The following FAAH2 variants were observed in gnomAD, a reference collection of about 807,000 sequenced individuals.
The protein encoded by FAAH2 is fatty-acid amide hydrolase 2.
FAAH2 carries 60 observed loss-of-function variants against 36.9 expected under a neutral mutation model. The observed-to-expected ratio is 1.63, with a 90% confidence interval of 1.32 to 2.02. The LOEUF is 2.02. Among genes scored for constraint, FAAH2 ranks in the 30% most tolerant of loss-of-function variants. The pLI is 0.00. For missense variants in FAAH2, 689 were observed against 397.5 expected, an observed-to-expected ratio of 1.73 and a Z score of -6.23; for synonymous variants, 214 against 143.8, an observed-to-expected ratio of 1.49 and a Z score of -3.49.
At chrX:57,199,794 A>G in the FAAH2 span, among the ~76,000 whole-genome samples, 1 of 111,832 alleles carries the variant, frequency 8.9e-6, no homozygotes, top group East Asian at 2.8e-4. Flanking sequence ...TTAAATTGTC[A>G]TATCTTCTTG....
At chrX:57,237,306 C>T in the FAAH2 span, among the ~76,000 whole-genome samples, 1 of 111,160 alleles carries the variant, frequency 9.0e-6, no homozygotes, top group Non-Finnish European at 1.9e-5. Flanking sequence ...TCCAGCTTTG[C>T]TCCTTTTTTA....
chrX:57,286,872 C>A lies in FAAH2; in HGVS notation c.47C>A (p.Ala16Glu), dbSNP rs141576226. The change falls in exon 1 of 11, where the codon GCG becomes GAG. Residue 16 changes from alanine (A) to glutamate (E), a missense_variant. Physicochemically the swap from Ala to Glu is moderately radical, Grantham distance 107 (BLOSUM62 -1). Coordinates refer to ENST00000374900, the MANE Select transcript of FAAH2 (RefSeq NM_174912.4). ...TARIQLFLLRALGFLIGLVGR... is the reference protein window; with the variant it reads ...TARIQLFLLRELGFLIGLVGR... ...CGCATTCAGTTGTTCCTCTTGCGGG[C>A]GCTAGGCTTTCTCATAGGCTTAGTA... is the stretch of plus-strand genomic sequence containing the variant. 516 of 1,193,928 alleles carry A rather than the reference C, an allele frequency of 4.3e-4. No individual in the cohort carries two copies. Among genetic ancestry groups the A allele is most frequent in the Non-Finnish European group, 5.6e-4 (494 of 887,897 alleles).
Position 57,448,628 on chromosome X carries a change from G to T in FAAH2, c.1333G>T (p.Asp445Tyr), listed in dbSNP as rs200875647. Residue 445 changes from aspartate (D) to tyrosine (Y), a missense_variant, in exon 10 of 11, where the codon GAT becomes TAT. By Grantham distance (160) the Asp-to-Tyr change is radical. Transcript: ENST00000374900. ...TAAAGAGCTGGTGGATATGCTAGGT[G>T]ATGATGGTGTGTTCTTATATCCCTC... ...LRKELVDMLGDDGVFLYPSHP... is the reference protein window; with the variant it reads ...LRKELVDMLGYDGVFLYPSHP... 4 of 1,209,807 alleles carry T rather than the reference G, an allele frequency of 3.3e-6. No individual in the cohort carries two copies. Among genetic ancestry groups the T allele is most frequent in the Admixed American group, 4.4e-5 (2 of 45,756 alleles).
At chrX:57,355,961 AT>A in intron 5 of FAAH2, among the ~76,000 whole-genome samples, 1 of 111,083 alleles carries the variant, frequency 9.0e-6, no homozygotes, top group Middle Eastern at 4.6e-3. Context: ...ATTATTGTCT[AT>A]TCTTTATTTG....
chrX:57,426,411 C>T (rs1454638447), intron 7 of FAAH2, among the ~76,000 whole-genome samples: 1 of 111,536 alleles, frequency 9.0e-6, no homozygotes, highest in Non-Finnish European at 1.9e-5. Flanking sequence ...CCAAGTAGAC[C>T]TAATAGACAT....
At chrX:57,209,876 A>G in the FAAH2 span, among the ~76,000 whole-genome samples, 3 of 110,480 alleles carry the variant, frequency 2.7e-5, no homozygotes, top group Non-Finnish European at 5.7e-5. Flanking sequence ...GGTATTGGCG[A>G]GTCCCCTCTG....
chrX:57,270,855 C>T, the FAAH2 span, among the ~76,000 whole-genome samples: 3 of 112,224 alleles, frequency 2.7e-5, no homozygotes, highest in Non-Finnish European at 5.6e-5. Flanking sequence ...CCTCTGGTGC[C>T]TACCCCACCA....
chrX:57,392,232 T>C (rs748236706), intron 7 of FAAH2, among the ~76,000 whole-genome samples: 4 of 111,468 alleles, frequency 3.6e-5, no homozygotes, highest in African/African-American at 1.3e-4. Flanking sequence ...GTTTTCTAGG[T>C]ATGTCATCAG....
intron 9 of FAAH2, 54 bp downstream of exon 9, chrX:57,447,093 A>C: frequency 1.1e-6 from 1 of 911,198 alleles, no homozygotes; most frequent in African/African-American, 2.0e-5. Context: ...ATATTTCTTA[A>C]TATCTAAATA....
chrX:57,257,340 C>A, the FAAH2 span, among the ~76,000 whole-genome samples: 1 of 111,910 alleles, frequency 8.9e-6, no homozygotes, highest in Non-Finnish European at 1.9e-5. Flanking sequence ...GGCACATGTA[C>A]ACCATGGAAT....
rs772115526 is a variant in FAAH2, at chrX:57,378,622, G to A, written c.743-29G>A. The A allele has an allele frequency of 5.0e-6, 6 of 1,206,281 alleles. No individual in the cohort carries two copies. In the Admixed American group the frequency reaches 8.9e-5, roughly 18 times the overall value. ...ATGCAGGGATCATGTCTTATTTTGG[G>A]CGGCTAACCTGACTGTCTATCCTTT... On this transcript the variant is annotated intron_variant, in intron 5 of 10. Coordinates refer to ENST00000374900, the MANE Select transcript of FAAH2 (RefSeq NM_174912.4).
intron 3 of FAAH2, among the ~76,000 whole-genome samples, chrX:57,324,517 G>C (rs2053147524): frequency 9.0e-6 from 1 of 111,581 alleles, no homozygotes; most frequent in Admixed American, 9.5e-5. Context: ...TTATTTCATT[G>C]AGCAGTGGTT....
At chrX:57,330,279 G>T (rs1462177083) in intron 3 of FAAH2, among the ~76,000 whole-genome samples, 1 of 111,445 alleles carries the variant, frequency 9.0e-6, no homozygotes, top group Non-Finnish European at 1.9e-5. Flanking sequence ...CCCAAGGGTG[G>T]GTCTCTAAAA....
chrX:57,409,124 T>C (rs762463182), intron 7 of FAAH2, among the ~76,000 whole-genome samples: 1 of 111,501 alleles, frequency 9.0e-6, no homozygotes, highest in African/African-American at 3.3e-5. Flanking sequence ...TCCAAACATA[T>C]ATAAACATAT....
At position 57,470,436 on chromosome X, in the gene FAAH2, A is replaced by G. The variant is rs757909822; in HGVS notation, c.1424-18321A>G. Among the ~76,000 whole-genome samples, 18 of 111,953 alleles carry G rather than the reference A, an allele frequency of 1.6e-4. No individual in the cohort carries two copies. The South Asian group carries it at 6.7e-3, about 42-fold the overall frequency. On this transcript the variant is annotated intron_variant, in intron 10 of 10. Transcript: ENST00000374900. Reference sequence around the variant, plus strand: ...CGGATATCAACACCAATCCCACAGAAATACAAACTACCATCAGAGAATACT... The same window carrying G: ...CGGATATCAACACCAATCCCACAGAGATACAAACTACCATCAGAGAATACT...
intron 7 of FAAH2, among the ~76,000 whole-genome samples, chrX:57,431,224 C>T (rs1236456326): frequency 8.1e-5 from 9 of 111,762 alleles, no homozygotes; most frequent in Non-Finnish European, 1.7e-4. Context: ...CATGACCTGA[C>T]AAGACTTGAG....
intron 10 of FAAH2, among the ~76,000 whole-genome samples, chrX:57,453,586 G>A (rs1307057948): frequency 9.1e-6 from 1 of 109,819 alleles, no homozygotes; most frequent in Non-Finnish European, 1.9e-5. Flanking sequence ...GGCAGGAACA[G>A]CCTCTAGAAT....
intron 2 of FAAH2, 27 bp downstream of exon 2, chrX:57,292,607 T>A (rs777606970): frequency 8.7e-7 from 1 of 1,143,522 alleles, no homozygotes; most frequent in Non-Finnish European, 1.2e-6. Flanking sequence ...TCTCAAGGAG[T>A]CATTTATGGT....
chrX:57,230,201 C>T, the FAAH2 span, among the ~76,000 whole-genome samples: 1 of 112,032 alleles, frequency 8.9e-6, no homozygotes, highest in African/African-American at 3.2e-5. Context: ...TCTGACCCAT[C>T]AACAGCATTC....
Sources: gnomAD v4.1 joint callset for allele counts (sites outside exome capture counted in the v4.1 genomes callset) on GRCh38, gnomAD v4.1.1 for gene constraint, MANE v1.5 for transcripts, NCBI Gene and HGNC (gene_info 2026-07-23, HGNC 2026-07-21) for gene names.